GABBR2: variants seen among roughly 807,000 people sequenced by gnomAD.
The protein encoded by GABBR2 is G-protein coupled receptor 51.
A neutral mutation model predicts 105.6 loss-of-function variants in GABBR2; 23 were observed. That is an observed-to-expected ratio of 0.22 (90% CI 0.16 to 0.31). GABBR2 has a LOEUF of 0.31. Ranked by LOEUF, GABBR2 falls within the 10% of genes least tolerant of loss-of-function variation. The probability of loss-of-function intolerance (pLI) is 1.00; values close to 1 mark genes in which losing one functional copy is unlikely to be tolerated. For missense variants in GABBR2, 734 were observed against 1,245.5 expected (o/e 0.59, Z 6.18); for synonymous variants, 478 against 499.7 (o/e 0.96, Z 0.58).
intron 4 of GABBR2, among the ~76,000 whole-genome samples, chr9:98,491,788 A>G (rs1827179479): frequency 6.6e-6 from 1 of 152,204 alleles, no homozygotes; most frequent in Admixed American, 6.5e-5. Context: ...TGCATTATGT[A>G]TAAAATTATA....
At chr9:98,296,490 C>T (rs185453546) in intron 17 of GABBR2, among the ~76,000 whole-genome samples, 12 of 152,384 alleles carry the variant, frequency 7.9e-5, no homozygotes, top group Non-Finnish European at 1.5e-4. Flanking sequence ...ATTTCTGTTT[C>T]AACCAGCAGC....
chr9:98,504,265 T>G (rs1827462285), intron 3 of GABBR2, among the ~76,000 whole-genome samples: 1 of 152,172 alleles, frequency 6.6e-6, no homozygotes, highest in Non-Finnish European at 1.5e-5. Flanking sequence ...CAGAATATTG[T>G]TATAGCAACT....
At chr9:98,399,245 T>C (rs1832346849) in intron 8 of GABBR2, among the ~76,000 whole-genome samples, 1 of 151,668 alleles carries the variant, frequency 6.6e-6, no homozygotes, top group Admixed American at 6.6e-5. Context: ...TCTTGGCTAT[T>C]TGGGAGGCTG....
At chr9:98,362,873 G>A (rs1831611473) in intron 12 of GABBR2, 36 bp from the exon 13 acceptor site, 2 of 1,461,580 alleles carry the variant, frequency 1.4e-6, no homozygotes, top group Non-Finnish European at 1.8e-6. Flanking sequence ...GAGCCGATGT[G>A]AGAGACAGCT....
chr9:98,473,730 A>C lies in GABBR2; in HGVS notation c.799-384T>G, dbSNP rs1826733795. On this transcript the variant is annotated intron_variant, in intron 5 of 18. Transcript: ENST00000259455. ...CAAGGTTATTTACACAACTCTCATT[A>C]TCAATAAGGAGAAAACATACCAGAT... 2.6e-5 allele frequency among the ~76,000 whole-genome samples: 4 copies of C among 152,316 alleles called. No individual in the cohort carries two copies. The South Asian group carries it at 8.3e-4, about 32-fold the overall frequency.
intron 2 of GABBR2, among the ~76,000 whole-genome samples, chr9:98,554,030 GAGGTGACTTACTCAAAATC>G (rs1313591875): frequency 2.0e-5 from 3 of 152,166 alleles, no homozygotes; most frequent in Non-Finnish European, 4.4e-5. Context: ...GATGTTCAGA[GAGGTGACTTACTCAAAATC>G]AGGTGACTTA....
intron 6 of GABBR2, among the ~76,000 whole-genome samples, chr9:98,472,003 C>A (rs1826692908): frequency 6.6e-6 from 1 of 152,116 alleles, no homozygotes; most frequent in African/African-American, 2.4e-5. Flanking sequence ...TAATGATTTG[C>A]CATTTCTTGA....
chr9:98,629,015 G>T (rs778325716), intron 1 of GABBR2, among the ~76,000 whole-genome samples: 1 of 152,134 alleles, frequency 6.6e-6, no homozygotes, highest in Non-Finnish European at 1.5e-5. Flanking sequence ...AATTTGAAAC[G>T]AAGTCTAAGT....
chr9:98,439,148 G>A (rs1278570473), intron 7 of GABBR2, among the ~76,000 whole-genome samples: 1 of 152,068 alleles, frequency 6.6e-6, no homozygotes, highest in Non-Finnish European at 1.5e-5. Flanking sequence ...TTAAATGCTG[G>A]TTATATTTTT....
intron 3 of GABBR2, among the ~76,000 whole-genome samples, chr9:98,539,913 TAAAAA>T (rs746934812): frequency 1.9e-5 from 2 of 103,704 alleles, no homozygotes; most frequent in Non-Finnish European, 4.0e-5. Flanking sequence ...AGACTTCGTC[TAAAAA>T]AAAAAAAAAA....
intron 6 of GABBR2, among the ~76,000 whole-genome samples, chr9:98,464,768 T>A (rs906093538): frequency 3.9e-5 from 6 of 152,226 alleles, no homozygotes; most frequent in African/African-American, 1.4e-4. Flanking sequence ...TTTTGTTCTG[T>A]ACTAAGAAAA....
chr9:98,330,746 G>C (rs1006406271), intron 13 of GABBR2, among the ~76,000 whole-genome samples: 5 of 152,172 alleles, frequency 3.3e-5, no homozygotes, highest in Admixed American at 6.5e-5. Flanking sequence ...TTTTGAAAGT[G>C]AGGTAAGATT....
intron 2 of GABBR2, among the ~76,000 whole-genome samples, chr9:98,560,945 T>TCC (rs1828666106): frequency 1.3e-5 from 2 of 151,956 alleles, no homozygotes; most frequent in Non-Finnish European, 2.9e-5. Context: ...TATATCATTA[T>TCC]AATGTCATTA....
intron 13 of GABBR2, among the ~76,000 whole-genome samples, chr9:98,340,863 C>A (rs372040331): frequency 2.2e-4 from 33 of 152,336 alleles, no homozygotes; most frequent in African/African-American, 7.9e-4. Flanking sequence ...TTTAAAGACT[C>A]TTTTTGCTCA....
intron 1 of GABBR2, among the ~76,000 whole-genome samples, chr9:98,683,003 G>A (rs771788105): frequency 1.3e-5 from 2 of 152,204 alleles, no homozygotes; most frequent in Non-Finnish European, 2.9e-5. Flanking sequence ...AGATTCCAGT[G>A]CAGGTCCTGC....
intron 1 of GABBR2, among the ~76,000 whole-genome samples, chr9:98,594,455 G>C (rs1463557606): frequency 6.6e-6 from 1 of 152,152 alleles, no homozygotes; most frequent in Non-Finnish European, 1.5e-5. Context: ...TAGACGGACA[G>C]ACCAGCAAAC....
chr9:98,679,503 G>C (rs1830514424), intron 1 of GABBR2, among the ~76,000 whole-genome samples: 1 of 152,190 alleles, frequency 6.6e-6, no homozygotes, highest in Non-Finnish European at 1.5e-5. Flanking sequence ...GAAACAAGTA[G>C]AATTTCTATG....
chr9:98,570,026 A>G (rs1828805574), intron 2 of GABBR2, among the ~76,000 whole-genome samples: 1 of 152,190 alleles, frequency 6.6e-6, no homozygotes, highest in African/African-American at 2.4e-5. Context: ...TAAATGTCAA[A>G]ACCAGGCATG....
chr9:98,433,508 C>A (rs539545361), intron 7 of GABBR2, among the ~76,000 whole-genome samples: 8 of 152,186 alleles, frequency 5.3e-5, no homozygotes, highest in Non-Finnish European at 1.5e-5. Flanking sequence ...TAGCCTCTAC[C>A]TTATGTTAGG....
Sources: allele counts gnomAD v4.1 joint callset (sites outside exome capture counted in the v4.1 genomes callset), GRCh38; gene constraint gnomAD v4.1.1; transcripts MANE v1.5; gene names NCBI Gene and HGNC (gene_info 2026-07-23, HGNC 2026-07-21).